The following XIRP2 variants were observed in gnomAD, a reference collection of about 807,000 sequenced individuals.
XIRP2 encodes the protein xin actin-binding repeat-containing protein 2.
A neutral mutation model predicts 277.0 loss-of-function variants in XIRP2; 236 were observed. That is an observed-to-expected ratio of 0.85 (90% CI 0.77 to 0.95). The LOEUF is 0.95. XIRP2 is among the 40% of genes least tolerant of loss of function. The pLI, the probability that XIRP2 is intolerant of heterozygous loss-of-function variation, is 0.00. For synonymous variants in XIRP2, 1,490 were observed against 1,416.5 expected, an observed-to-expected ratio of 1.05 and a Z score of -1.17; for missense variants, 4,640 against 4,157.5, an observed-to-expected ratio of 1.12 and a Z score of -3.19.
chr2:167,014,165 TC>T (rs1687759705), intron 2 of XIRP2, among the ~76,000 whole-genome samples: 1 of 151,506 alleles, frequency 6.6e-6, no homozygotes, highest in Admixed American at 6.6e-5. Flanking sequence ...CAGTCAGACT[TC>T]CCATCTAAGG....
At chr2:167,017,033 G>A (rs890651883) in intron 2 of XIRP2, among the ~76,000 whole-genome samples, 1 of 151,868 alleles carries the variant, frequency 6.6e-6, no homozygotes, top group African/African-American at 2.4e-5. Flanking sequence ...CTTCACAGTG[G>A]GAGATCTGAG....
Position 166,903,765 on chromosome 2 carries a change from G to C in XIRP2, c.283G>C (p.Val95Leu), listed in dbSNP as rs772444441. 3.1e-6 allele frequency: 5 copies of C among 1,613,704 alleles called. No individual in the cohort carries two copies. Among genetic ancestry groups the C allele is most frequent in the Non-Finnish European group, 4.2e-6 (5 of 1,179,806 alleles). ...NNTREYGRPE[V>L]LKEDSLSSRR... The stretch of plus-strand genomic sequence containing the variant: ...CACCAGGGAATATGGTCGGCCAGAA[G>C]TGCTGAAGGAGGATTCCCTGAGCAG... The change falls in exon 2 of 11, where the codon GTG (valine) becomes CTG (leucine). Residue 95 changes from valine to leucine, a missense_variant. Val to Leu is a conservative substitution (Grantham distance 32). Coordinates refer to ENST00000409195, the MANE Select transcript of XIRP2 (RefSeq NM_152381.6).
intron 3 of XIRP2, among the ~76,000 whole-genome samples, chr2:167,206,569 C>A (rs1051453022): frequency 6.6e-5 from 10 of 152,256 alleles, no homozygotes; most frequent in African/African-American, 1.9e-4. Flanking sequence ...CCTCACAACC[C>A]GGACACTGTC....
At chr2:166,986,036 C>T (rs1242977709) in intron 2 of XIRP2, among the ~76,000 whole-genome samples, 2 of 152,138 alleles carry the variant, frequency 1.3e-5, no homozygotes, top group Non-Finnish European at 2.9e-5. Flanking sequence ...AATGGTTGCA[C>T]CAGGTTGTAC....
intron 1 of XIRP2, among the ~76,000 whole-genome samples, chr2:166,890,588 T>C (rs1684077479): frequency 6.6e-6 from 1 of 152,208 alleles, no homozygotes; most frequent in Non-Finnish European, 1.5e-5. Flanking sequence ...TTTTTATTTT[T>C]ATTATTCACA....
chr2:166,998,756 TC>T (rs1429012134), intron 2 of XIRP2, among the ~76,000 whole-genome samples: 1 of 152,180 alleles, frequency 6.6e-6, no homozygotes, highest in East Asian at 1.9e-4. Context: ...CTAGTGACTT[TC>T]CACTTTAACC....
Position 167,250,557 on chromosome 2 carries a change from A to G in XIRP2, c.9165A>G (p.Lys3055=), listed in dbSNP as rs1559044905. 1 of 1,613,554 alleles carries G rather than the reference A, an allele frequency of 6.2e-7. No individual in the cohort carries two copies. Among genetic ancestry groups the G allele is most frequent in the Non-Finnish European group, 8.5e-7 (1 of 1,179,730 alleles). Residue 3055 remains lysine, a synonymous_variant, in exon 9 of 11, where the codon AAA becomes AAG. Transcript: ENST00000409195. ...CTAGTCTTGATGAAACATCATCCAA[A>G]GTATCTAATGTTCATGTCAGCAATA... ...KPTSLDETSS[K]VSNVHVSNNK...
intron 3 of XIRP2, among the ~76,000 whole-genome samples, chr2:167,198,261 G>T (rs928275535): frequency 6.6e-6 from 1 of 152,136 alleles, no homozygotes; most frequent in African/African-American, 2.4e-5. Flanking sequence ...TATAGGCAAA[G>T]GGTATTTGGG....
rs1186750438 is a variant in XIRP2 at position 167,245,197 on chromosome 2, G to C, written c.3805G>C (p.Gly1269Arg). The change falls in exon 9 of 11, where the codon GGT (glycine) becomes CGT (arginine). Residue 1269 changes from glycine (G) to arginine (R), a missense_variant. Transcript: ENST00000409195. ...TGTTAAGACGGTGACAGACATACAA[G>C]GTGGGGATGTAAGAAAGGGGTGCTT... is the stretch of plus-strand genomic sequence containing the variant. ...ECVKTVTDIQ[G>R]GDVRKGCFIF... 6.2e-7 allele frequency: 1 copy of C among 1,613,734 alleles called. No individual in the cohort carries two copies. Among genetic ancestry groups the C allele is most frequent in the Admixed American group, 1.7e-5 (1 of 59,992 alleles).
intron 2 of XIRP2, among the ~76,000 whole-genome samples, chr2:166,956,092 A>G (rs1402499656): frequency 2.0e-5 from 3 of 151,422 alleles, no homozygotes; most frequent in African/African-American, 4.9e-5. Flanking sequence ...CTATTTTTCC[A>G]TGATCTTCTG....
chr2:167,257,915 C>A lies in XIRP2; in HGVS notation c.*98C>A, dbSNP rs1261629419. ...ATACTGTAAACCTCACTTTAAACAACTTTTCAAATCCAAAGGAAATTATGA... is the reference window on the plus strand; with the variant it reads ...ATACTGTAAACCTCACTTTAAACAAATTTTCAAATCCAAAGGAAATTATGA... On this transcript the variant is annotated 3_prime_UTR_variant, in exon 11 of 11. Transcript: ENST00000409195. 5.6e-6 allele frequency: 9 copies of A among 1,611,254 alleles called. No individual in the cohort carries two copies. Among genetic ancestry groups the A allele is most frequent in the Non-Finnish European group, 7.6e-6 (9 of 1,178,938 alleles).
At chr2:167,180,785 G>T (rs1173607342) in intron 3 of XIRP2, among the ~76,000 whole-genome samples, 2 of 152,102 alleles carry the variant, frequency 1.3e-5, no homozygotes, top group African/African-American at 2.4e-5. Flanking sequence ...CTTGCATTGG[G>T]TCTTCATTGA....
intron 3 of XIRP2, among the ~76,000 whole-genome samples, chr2:167,208,269 CT>C (rs1693915945): frequency 6.6e-6 from 1 of 152,126 alleles, no homozygotes; most frequent in East Asian, 1.9e-4. Flanking sequence ...TAGTTTGTTC[CT>C]TTCCTGTCTG....
intron 7 of XIRP2, 126 bp from the exon 8 acceptor site, chr2:167,241,651 C>T (rs1294494758): frequency 9.1e-7 from 1 of 1,100,646 alleles, no homozygotes; most frequent in Non-Finnish European, 1.2e-6. Context: ...CTCAAGTAAT[C>T]TTCGCACCTC....
intron 2 of XIRP2, among the ~76,000 whole-genome samples, chr2:166,935,579 T>C (rs1027641658): frequency 6.6e-6 from 1 of 152,150 alleles, no homozygotes; most frequent in African/African-American, 2.4e-5. Context: ...CACTCCATGA[T>C]AGGCCCTGGT....
rs60058081 is a variant in XIRP2 at position 167,123,503 on chromosome 2, T to TTTTTG, written c.409-12385_409-12381dup. On this transcript the variant is annotated intron_variant, in intron 2 of 10. Transcript: ENST00000409195. ...AAACCAGAGAAGAGAAAAAAACTTTTTTTTGTTTTGTTTTGTTTTGTTTTG... is the reference window on the plus strand; with the variant it reads ...AAACCAGAGAAGAGAAAAAAACTTTTTTTTGTTTTGTTTTGTTTTGTTTTGTTTTG... 6.0e-4 allele frequency among the ~76,000 whole-genome samples: 91 copies of TTTTTG among 151,460 alleles called. 1 individual carries two copies. The highest frequency in any genetic ancestry group is 5.5e-3 in the East Asian group (28 of 5,080).
At chr2:167,073,200 T>C (rs190587792) in intron 2 of XIRP2, among the ~76,000 whole-genome samples, 9 of 152,242 alleles carry the variant, frequency 5.9e-5, no homozygotes. Flanking sequence ...CATCTTTAAT[T>C]ATCTTTCATA....
At chr2:166,960,918 A>G (rs990591096) in intron 2 of XIRP2, among the ~76,000 whole-genome samples, 17 of 151,762 alleles carry the variant, frequency 1.1e-4, no homozygotes, top group African/African-American at 4.1e-4. Flanking sequence ...TTGGCAGTAC[A>G]CTGGCTTGTG....
In XIRP2 at chr2:166,957,644, A is replaced by C. The variant is rs536533371; in HGVS notation, c.408+53754A>C. 4.6e-5 allele frequency among the ~76,000 whole-genome samples: 7 copies of C among 151,902 alleles called. No individual in the cohort carries two copies. In the South Asian group the frequency reaches 1.5e-3, roughly 32 times the overall value. On this transcript the variant is annotated intron_variant, in intron 2 of 10. Coordinates refer to ENST00000409195, the MANE Select transcript of XIRP2 (RefSeq NM_152381.6). ...CAATTATACTCCCTAAATGCAAGCA[A>C]AGTGTTGCATCCTATGCTCAGCAGA... is the stretch of plus-strand genomic sequence containing the variant.
Sources: allele counts gnomAD v4.1 joint callset (sites outside exome capture counted in the v4.1 genomes callset), GRCh38; gene constraint gnomAD v4.1.1; transcripts MANE v1.5; gene names NCBI Gene and HGNC (gene_info 2026-07-23, HGNC 2026-07-21).